Variants in HIVEP3 observed in about 807,000 individuals in gnomAD.
The protein encoded by HIVEP3 is transcription factor HIVEP3.
HIVEP3 carries 49 observed loss-of-function variants against 152.8 expected under a neutral mutation model. That is an observed-to-expected ratio of 0.32 (90% CI 0.26 to 0.41). The LOEUF (loss-of-function observed/expected upper bound fraction) is 0.41. Among genes scored for constraint, HIVEP3 ranks in the 10% least tolerant of loss-of-function variants. The pLI is 1.00. For missense variants in HIVEP3, 2,790 were observed against 3,103.3 expected, an observed-to-expected ratio of 0.90 and a Z score of 2.40; for synonymous variants, 1,269 against 1,289.0, an observed-to-expected ratio of 0.98 and a Z score of 0.33.
chr1:41,726,358 A>G (rs7537142), intron 1 of HIVEP3, among the ~76,000 whole-genome samples: 1,818 of 152,282 alleles, frequency 0.012, 36 homozygotes, highest in African/African-American at 0.041. Context: ...AAACTACCAA[A>G]TAGAACCAGC....
At position 41,580,241 on chromosome 1, in the gene HIVEP3, T is replaced by C. The variant is rs779480924; in HGVS notation, c.4557A>G (p.Ala1519=). Residue 1519 remains alanine (A), a synonymous_variant, in exon 4 of 9, where the codon GCA becomes GCG. Coordinates refer to ENST00000372583, the MANE Select transcript of HIVEP3 (RefSeq NM_024503.5). ...AGCCTGGGGCTGTCCCATGGGACAA[T>C]GCAGGGTGAGGGAGGGGAGGAATTT... ...TKEIPPLPHP[A]LSHGTAPGSE... is the part of the protein sequence containing the mutation. 2.5e-6 allele frequency: 4 copies of C among 1,613,436 alleles called. No homozygotes were observed. The South Asian group carries it at 4.4e-5, about 18-fold the overall frequency.
chr1:41,831,390 C>A (rs903631151), intron 1 of HIVEP3, among the ~76,000 whole-genome samples: 3 of 152,204 alleles, frequency 2.0e-5, no homozygotes, highest in Non-Finnish European at 4.4e-5. Context: ...GAAATTGTGA[C>A]AGCTCCAGCA....
intron 1 of HIVEP3, among the ~76,000 whole-genome samples, chr1:41,981,136 A>T (rs938502141): frequency 6.6e-6 from 1 of 152,208 alleles, no homozygotes; most frequent in Admixed American, 6.5e-5. Context: ...GGAGAGAAGC[A>T]AAGTCCTCCC....
At chr1:41,740,536 G>A (rs565090009) in intron 1 of HIVEP3, among the ~76,000 whole-genome samples, 2 of 152,326 alleles carry the variant, frequency 1.3e-5, no homozygotes, top group East Asian at 3.9e-4. Context: ...TGCAAAGAGT[G>A]GGGAAGAAGG....
intron 5 of HIVEP3, among the ~76,000 whole-genome samples, chr1:41,545,093 CGCT>C (rs1643710087): frequency 1.6e-5 from 2 of 126,944 alleles, no homozygotes; most frequent in African/African-American, 6.2e-5. Context: ...CCTCTACCAT[CGCT>C]ACCATCACCA....
At position 41,720,998 on chromosome 1, in the gene HIVEP3, C is replaced by T. The variant is rs180739525; in HGVS notation, c.-800-20003G>A. Among the ~76,000 whole-genome samples, 7 of 152,322 alleles carry T rather than the reference C, an allele frequency of 4.6e-5. No individual in the cohort carries two copies. The East Asian group carries it at 1.3e-3, about 29-fold the overall frequency. ...ACGTAGTGTCTAAAATAGTCAAACT[C>T]ACAGAAGCAGACAGTAGAATAGTGG... On this transcript the variant is annotated intron_variant, in intron 1 of 8. Coordinates refer to ENST00000372583, the MANE Select transcript of HIVEP3 (RefSeq NM_024503.5).
Position 41,510,502 on chromosome 1 carries a change from CTCCCCACTTCCTGAGGGCTTGGGGGAG to C in HIVEP3, c.7143_7169del (p.Asp2381_Gly2389del). The C allele has an allele frequency of 6.3e-7, 1 of 1,595,090 alleles. No individual in the cohort carries two copies. The highest frequency in any genetic ancestry group is 1.1e-5 in the South Asian group (1 of 87,744). Reference sequence around the variant, plus strand: ...CAGGCTGATGTGGATGTGCCCTGGGCTCCCCACTTCCTGAGGGCTTGGGGGAGTCCTGCCTGGTCCTGGGTTCCCCGG... The same window carrying C: ...CAGGCTGATGTGGATGTGCCCTGGGCTCCTGCCTGGTCCTGGGTTCCCCGG... On this transcript the variant is annotated inframe_deletion, in exon 9 of 9. Transcript: ENST00000372583.
intron 2 of HIVEP3, among the ~76,000 whole-genome samples, chr1:41,655,915 C>T (rs919235494): frequency 1.3e-5 from 2 of 152,162 alleles, no homozygotes; most frequent in South Asian, 2.1e-4. Flanking sequence ...CTTGCTTCCA[C>T]CCTGGTAACT....
chr1:42,023,169 G>A (rs1645564049), intron 1 of HIVEP3, among the ~76,000 whole-genome samples: 1 of 152,050 alleles, frequency 6.6e-6, no homozygotes, highest in Non-Finnish European at 1.5e-5. Context: ...ACCACACCTG[G>A]CTAATTTTTT....
chr1:41,646,610 T>C (rs1426129915), intron 2 of HIVEP3, among the ~76,000 whole-genome samples: 1 of 152,144 alleles, frequency 6.6e-6, no homozygotes, highest in Non-Finnish European at 1.5e-5. Context: ...CGGGGACCCA[T>C]GAGGGTGAGG....
intron 1 of HIVEP3, among the ~76,000 whole-genome samples, chr1:41,984,626 C>G (rs1032000837): frequency 2.0e-5 from 3 of 152,180 alleles, no homozygotes; most frequent in African/African-American, 7.2e-5. Flanking sequence ...AAAACACAAC[C>G]CCCATGGAGG....
chr1:42,000,891 T>C (rs1048838014), intron 1 of HIVEP3, among the ~76,000 whole-genome samples: 1 of 152,220 alleles, frequency 6.6e-6, no homozygotes, highest in Non-Finnish European at 1.5e-5. Flanking sequence ...TGAAATCTGG[T>C]CATTTAAAAT....
At chr1:41,600,773 T>C (rs866743275) in intron 3 of HIVEP3, among the ~76,000 whole-genome samples, 6 of 152,184 alleles carry the variant, frequency 3.9e-5, no homozygotes, top group African/African-American at 1.4e-4. Context: ...AATAAGAATA[T>C]GTCATGAAGT....
chr1:41,647,772 C>A (rs1236529766), intron 2 of HIVEP3, among the ~76,000 whole-genome samples: 2 of 152,278 alleles, frequency 1.3e-5, no homozygotes, highest in Non-Finnish European at 2.9e-5. Context: ...CCTACAAAGT[C>A]CCAATCGCTC....
intron 1 of HIVEP3, among the ~76,000 whole-genome samples, chr1:41,795,519 G>A (rs965654390): frequency 1.3e-5 from 2 of 152,186 alleles, no homozygotes; most frequent in East Asian, 3.8e-4. Flanking sequence ...CTATTATTTG[G>A]AAGTGAGTCA....
intron 1 of HIVEP3, among the ~76,000 whole-genome samples, chr1:41,860,500 G>A (rs939965688): frequency 3.9e-5 from 6 of 152,164 alleles, no homozygotes; most frequent in Non-Finnish European, 8.8e-5. Flanking sequence ...ATTTTCTCCT[G>A]AGCTGGTCAA....
chr1:41,806,637 C>T (rs1240921058), intron 1 of HIVEP3, among the ~76,000 whole-genome samples: 4 of 152,228 alleles, frequency 2.6e-5, no homozygotes, highest in Non-Finnish European at 5.9e-5. Context: ...GGCTCCGTCC[C>T]AGCACCATGA....
upstream of HIVEP3, among the ~76,000 whole-genome samples, chr1:41,920,589 T>G (rs1241781752): frequency 6.8e-6 from 1 of 146,812 alleles, no homozygotes; most frequent in Non-Finnish European, 1.5e-5. Flanking sequence ...TTTTTTTTTT[T>G]TGTTTTGTTT....
intron 1 of HIVEP3, among the ~76,000 whole-genome samples, chr1:41,767,718 C>T (rs1330239430): frequency 6.6e-6 from 1 of 152,226 alleles, no homozygotes; most frequent in Non-Finnish European, 1.5e-5. Flanking sequence ...ATGCAGTTGA[C>T]TTATCTGCAT....
Sources: gnomAD v4.1 joint callset for allele counts (sites outside exome capture counted in the v4.1 genomes callset) on GRCh38, gnomAD v4.1.1 for gene constraint, MANE v1.5 for transcripts, NCBI Gene and HGNC (gene_info 2026-07-23, HGNC 2026-07-21) for gene names.